The following IL1RAPL2 variants were observed in gnomAD, a reference collection of about 807,000 sequenced individuals.
IL1RAPL2 encodes the protein X-linked interleukin-1 receptor accessory protein-like 2.
A neutral mutation model predicts 44.1 loss-of-function variants in IL1RAPL2; 3 were observed. The observed-to-expected ratio is 0.07, with a 90% CI of 0.03 to 0.18. The LOEUF is 0.18. IL1RAPL2 is among the 10% of genes least tolerant of loss of function. The probability of loss-of-function intolerance (pLI) is 1.00; values close to 1 mark genes in which losing one functional copy is unlikely to be tolerated. For missense variants in IL1RAPL2, 391 were observed against 496.4 expected, an observed-to-expected ratio of 0.79 and a Z score of 2.02; for synonymous variants, 181 against 178.8, an observed-to-expected ratio of 1.01 and a Z score of -0.10.
intron 6 of IL1RAPL2, among the ~76,000 whole-genome samples, chrX:105,579,407 C>A (rs954771473): frequency 9.0e-6 from 1 of 111,262 alleles, no homozygotes; most frequent in Non-Finnish European, 1.9e-5. Flanking sequence ...AACATATTTT[C>A]TTTATATGCA....
intron 1 of IL1RAPL2, among the ~76,000 whole-genome samples, chrX:104,604,065 G>A (rs1041287540): frequency 1.8e-5 from 2 of 111,948 alleles, no homozygotes; most frequent in East Asian, 2.8e-4. Context: ...AGAAAGGTCT[G>A]GTTACCCACA....
intron 3 of IL1RAPL2, among the ~76,000 whole-genome samples, chrX:105,231,560 G>A (rs912286928): frequency 8.9e-6 from 1 of 112,215 alleles, no homozygotes. Context: ...ATCAACTAAC[G>A]TTTACTAAGC....
chrX:105,760,638 T>C (rs369679320), intron 10 of IL1RAPL2, among the ~76,000 whole-genome samples: 1 of 112,148 alleles, frequency 8.9e-6, no homozygotes, highest in East Asian at 2.8e-4. Flanking sequence ...GATTCATTAC[T>C]AGCAATATAG....
chrX:105,504,454 G>T (rs920894085), intron 6 of IL1RAPL2, among the ~76,000 whole-genome samples: 1 of 111,422 alleles, frequency 9.0e-6, no homozygotes, highest in Non-Finnish European at 1.9e-5. Flanking sequence ...CTCATCATCT[G>T]GACAATTCTG....
intron 6 of IL1RAPL2, among the ~76,000 whole-genome samples, chrX:105,607,620 T>A (rs775753296): frequency 2.6e-4 from 17 of 65,587 alleles, no homozygotes; most frequent in Non-Finnish European, 2.6e-5. Flanking sequence ...AAAAGATGCA[T>A]GGACATTCAG....
At chrX:105,744,346 GC>G (rs746756068) in intron 8 of IL1RAPL2, among the ~76,000 whole-genome samples, 9 of 111,399 alleles carry the variant, frequency 8.1e-5, no homozygotes, top group Non-Finnish European at 1.7e-4. Context: ...TATAGTGGAA[GC>G]CCAAGAAAGA....
At chrX:104,571,949 C>T (rs746151444) in intron 1 of IL1RAPL2, among the ~76,000 whole-genome samples, 8 of 111,882 alleles carry the variant, frequency 7.2e-5, no homozygotes, top group Non-Finnish European at 1.5e-4. Flanking sequence ...GTTTTATAGT[C>T]TTTTGTTTGT....
chrX:104,818,001 A>C (rs1894466), intron 2 of IL1RAPL2, among the ~76,000 whole-genome samples: 36,615 of 109,414 alleles, frequency 0.33, 5,400 homozygotes, highest in East Asian at 0.46. Flanking sequence ...GTGTTTAGTG[A>C]ATAACAAGTT....
At position 105,255,847 on chromosome X, in the gene IL1RAPL2, T is replaced by C. The variant is rs6621949; in HGVS notation, c.544-11541T>C. Among the ~76,000 whole-genome samples, 455 of 111,934 alleles carry C rather than the reference T, an allele frequency of 4.1e-3. 1 individual carries two copies. Among genetic ancestry groups the C allele is most frequent in the African/African-American group, 0.014 (426 of 30,803 alleles). On this transcript the variant is annotated intron_variant, in intron 4 of 10. Coordinates refer to ENST00000372582, the MANE Select transcript of IL1RAPL2 (RefSeq NM_017416.2). ...TGTTCTTCAATACCTGGGGTATTGA[T>C]AGTTTTTAACATGAAGGGGTGTTGA...
intron 5 of IL1RAPL2, among the ~76,000 whole-genome samples, chrX:105,274,301 G>T (rs1461072209): frequency 2.7e-5 from 3 of 112,062 alleles, no homozygotes; most frequent in African/African-American, 9.7e-5. Context: ...CAGGAAAAAA[G>T]CAAGGAAAAG....
At chrX:104,733,651 A>ATAG (rs1555986430) in intron 2 of IL1RAPL2, among the ~76,000 whole-genome samples, 5 of 105,532 alleles carry the variant, frequency 4.7e-5, no homozygotes, top group East Asian at 2.9e-4. Flanking sequence ...AATAATAGTA[A>ATAG]TAATAATAAT....
intron 2 of IL1RAPL2, among the ~76,000 whole-genome samples, chrX:104,830,318 GAAA>G (rs1284064612): frequency 9.0e-6 from 1 of 111,266 alleles, no homozygotes; most frequent in East Asian, 2.8e-4. Context: ...AAAAGAGGAA[GAAA>G]AAAGAGAAAG....
At chrX:105,562,549 A>ACACACC (rs2036947067) in intron 6 of IL1RAPL2, among the ~76,000 whole-genome samples, 1 of 97,208 alleles carries the variant, frequency 1.0e-5, no homozygotes, top group African/African-American at 4.1e-5. Flanking sequence ...ACACACACAC[A>ACACACC]TACACACACC....
intron 1 of IL1RAPL2, among the ~76,000 whole-genome samples, chrX:104,648,925 A>G (rs1930097345): frequency 9.0e-6 from 1 of 111,311 alleles, no homozygotes; most frequent in Admixed American, 9.6e-5. Context: ...TTTTTTCTTT[A>G]TACTTGCTTC....
intron 2 of IL1RAPL2, among the ~76,000 whole-genome samples, chrX:104,795,255 G>C (rs769520366): frequency 9.0e-6 from 1 of 111,297 alleles, no homozygotes; most frequent in South Asian, 3.8e-4. Flanking sequence ...TGAGCTGATG[G>C]AATTGGGTAA....
At chrX:105,741,119 T>G (rs2147576319) in intron 8 of IL1RAPL2, among the ~76,000 whole-genome samples, 1 of 112,028 alleles carries the variant, frequency 8.9e-6, no homozygotes, top group Non-Finnish European at 1.9e-5. Context: ...TCCCATATAA[T>G]ATGCTTACAA....
At chrX:104,918,460 G>A (rs998047810) in intron 2 of IL1RAPL2, among the ~76,000 whole-genome samples, 1 of 111,747 alleles carries the variant, frequency 8.9e-6, no homozygotes, top group African/African-American at 3.3e-5. Context: ...ACTATATTCT[G>A]GTTATGATGG....
chrX:104,620,281 A>G (rs1358891996), intron 1 of IL1RAPL2, among the ~76,000 whole-genome samples: 3 of 110,071 alleles, frequency 2.7e-5, no homozygotes, highest in Non-Finnish European at 5.7e-5. Flanking sequence ...CCACTATAGA[A>G]CTTCTCCATG....
intron 2 of IL1RAPL2, among the ~76,000 whole-genome samples, chrX:105,021,014 A>C (rs754879338): frequency 9.8e-5 from 11 of 111,967 alleles, no homozygotes; most frequent in Middle Eastern, 4.6e-3. Flanking sequence ...AGACAAAGCC[A>C]CACTGCAAAA....
Sources: allele counts gnomAD v4.1 joint callset (sites outside exome capture counted in the v4.1 genomes callset), GRCh38; gene constraint gnomAD v4.1.1; transcripts MANE v1.5; gene names NCBI Gene and HGNC (gene_info 2026-07-23, HGNC 2026-07-21).